Variants in IL19 observed in about 807,000 individuals in gnomAD.
The protein encoded by IL19 is interleukin-19.
Under a neutral mutation model 19.5 loss-of-function variants are expected in IL19, and 15 were observed. The ratio of observed to expected loss-of-function variants is 0.77; its 90% CI spans 0.52 to 1.19. The LOEUF (loss-of-function observed/expected upper bound fraction) is 1.19. IL19 is among the 50% of genes most tolerant of loss of function. The pLI is 0.00. For missense variants in IL19, 199 were observed against 213.1 expected, an observed-to-expected ratio of 0.93 and a Z score of 0.41; for synonymous variants, 78 against 78.3, an observed-to-expected ratio of 1.00 and a Z score of 0.02.
intron 1 of IL19, among the ~76,000 whole-genome samples, chr1:206,780,666 C>A (rs1259187478): frequency 6.6e-6 from 1 of 152,148 alleles, no homozygotes; most frequent in Non-Finnish European, 1.5e-5. Flanking sequence ...TATAAATGGG[C>A]AAACAGAGGC....
rs375040615 is a variant in IL19, at chr1:206,799,441, C to T, written c.-3+435C>T. Among the ~76,000 whole-genome samples, 9 of 152,248 alleles carry T rather than the reference C, an allele frequency of 5.9e-5. No individual in the cohort carries two copies. The South Asian group carries it at 8.3e-4, about 14-fold the overall frequency. On this transcript the variant is annotated intron_variant, in intron 2 of 6. Transcript: ENST00000659997. ...TATCCATGGGATGGAAGCTGCTGCA[C>T]GACACAGAGGGACTGGAACCAGGAG...
intron 1 of IL19, among the ~76,000 whole-genome samples, chr1:206,795,925 A>G (rs569285834): frequency 5.4e-4 from 71 of 132,342 alleles, no homozygotes; most frequent in East Asian, 2.8e-3. Flanking sequence ...ATAAATATAT[A>G]TATGTGTGTG....
chr1:206,784,023 G>A (rs4639762), intron 1 of IL19, among the ~76,000 whole-genome samples: 6 of 152,288 alleles, frequency 3.9e-5, no homozygotes, highest in African/African-American at 1.4e-4. Flanking sequence ...ATGTCTCTTC[G>A]TGGATCTGAA....
intron 1 of IL19, chr1:206,772,302 C>G: frequency 1.2e-6 from 2 of 1,614,156 alleles, no homozygotes; most frequent in South Asian, 1.1e-5. Flanking sequence ...GAAGGCATCT[C>G]GGAGATCTCG....
At chr1:206,771,855 T>C (rs1674854751) in intron 1 of IL19, among the ~76,000 whole-genome samples, 1 of 152,250 alleles carries the variant, frequency 6.6e-6, no homozygotes, top group Non-Finnish European at 1.5e-5. Flanking sequence ...TTCCCTCATG[T>C]AGAGTGCTTC....
chr1:206,808,112 C>T (rs1675897926), intron 2 of IL19, among the ~76,000 whole-genome samples: 1 of 152,210 alleles, frequency 6.6e-6, no homozygotes, highest in African/African-American at 2.4e-5. Context: ...AGGCAGATCA[C>T]TTGAGGCCAG....
At chr1:206,814,258 C>A (rs1166460381) in intron 2 of IL19, among the ~76,000 whole-genome samples, 1 of 151,826 alleles carries the variant, frequency 6.6e-6, no homozygotes, top group Non-Finnish European at 1.5e-5. Context: ...GCACAGATTG[C>A]AGCCAGTAAA....
rs148880200 is a variant in IL19, at chr1:206,799,276, C to T, written c.-3+270C>T. Among the ~76,000 whole-genome samples the T allele has an allele frequency of 6.3e-3, 959 of 152,180 alleles. 7 individuals carry two copies. The highest frequency in any genetic ancestry group is 0.01 in the Non-Finnish European group (682 of 68,012). On this transcript the variant is annotated intron_variant, in intron 2 of 6. Transcript: ENST00000659997. ...TAAACCATATCTGCATACCCCTTCC[C>T]CATCAGCTCCCATACTGGTCATGGC...
intron 2 of IL19, among the ~76,000 whole-genome samples, chr1:206,802,739 T>G (rs1675744738): frequency 6.6e-6 from 1 of 152,120 alleles, no homozygotes; most frequent in Non-Finnish European, 1.5e-5. Context: ...GTCCCTCCCT[T>G]CCCTGTATAG....
chr1:206,839,550 A>G (rs1465219555), intron 4 of IL19, among the ~76,000 whole-genome samples: 1 of 152,150 alleles, frequency 6.6e-6, no homozygotes, highest in East Asian at 1.9e-4. Context: ...GAAGTTAGTG[A>G]TGACACGCTA....
chr1:206,791,685 C>T (rs1299722748), intron 1 of IL19, among the ~76,000 whole-genome samples: 3 of 152,222 alleles, frequency 2.0e-5, no homozygotes, highest in South Asian at 2.1e-4. Context: ...AGTGGCCTCT[C>T]ACTAGCGTTT....
At chr1:206,790,837 A>C (rs1169792918) in intron 1 of IL19, among the ~76,000 whole-genome samples, 1 of 152,210 alleles carries the variant, frequency 6.6e-6, no homozygotes, top group Non-Finnish European at 1.5e-5. Flanking sequence ...TGCTTAGCAC[A>C]TGCCTCAACC....
At chr1:206,783,094 G>T (rs887879351) in intron 1 of IL19, among the ~76,000 whole-genome samples, 1 of 152,172 alleles carries the variant, frequency 6.6e-6, no homozygotes, top group South Asian at 2.1e-4. Context: ...GGTGAACTTA[G>T]AAATCATTTT....
chr1:206,837,334 C>T lies in IL19; in HGVS notation c.210+311C>T, dbSNP rs74148869. ...CCATGGAGGTAGCTAAGAAAACAAACGGTGACTTAACCCGAGGAGGTTGTA... is the reference window on the plus strand; with the variant it reads ...CCATGGAGGTAGCTAAGAAAACAAATGGTGACTTAACCCGAGGAGGTTGTA... On this transcript the variant is annotated intron_variant, in intron 4 of 6. Coordinates refer to ENST00000659997, the MANE Select transcript of IL19 (RefSeq NM_153758.5). Among the ~76,000 whole-genome samples, 421 of 152,014 alleles carry T rather than the reference C, an allele frequency of 2.8e-3. 1 individual carries two copies. Among genetic ancestry groups the T allele is most frequent in the African/African-American group, 9.7e-3 (400 of 41,438 alleles).
At chr1:206,799,751 G>C (rs1188925626) in intron 2 of IL19, among the ~76,000 whole-genome samples, 1 of 152,198 alleles carries the variant, frequency 6.6e-6, no homozygotes, top group Non-Finnish European at 1.5e-5. Context: ...GGGTCACATG[G>C]CTGCCTGTGG....
chr1:206,821,663 A>T (rs750456340), intron 2 of IL19, among the ~76,000 whole-genome samples: 16 of 152,210 alleles, frequency 1.1e-4, no homozygotes, highest in Non-Finnish European at 2.2e-4. Context: ...ATTGTCTTCC[A>T]CTGCAGCAGG....
chr1:206,811,675 A>G (rs1314453766), intron 2 of IL19, among the ~76,000 whole-genome samples: 1 of 152,178 alleles, frequency 6.6e-6, no homozygotes, highest in African/African-American at 2.4e-5. Context: ...GGATTTAACA[A>G]CATGGACTTA....
At chr1:206,809,283 C>T in intron 2 of IL19, among the ~76,000 whole-genome samples, 1 of 150,280 alleles carries the variant, frequency 6.7e-6, no homozygotes, top group East Asian at 2.0e-4. Context: ...GATAATAATG[C>T]ATGATTTCCA....
chr1:206,823,650 T>A (rs1181536218), intron 2 of IL19, among the ~76,000 whole-genome samples: 1 of 152,208 alleles, frequency 6.6e-6, no homozygotes, highest in Non-Finnish European at 1.5e-5. Flanking sequence ...CCATTATCTA[T>A]TTTATTTTTG....
Sources: gnomAD v4.1 joint callset for allele counts (sites outside exome capture counted in the v4.1 genomes callset) on GRCh38, gnomAD v4.1.1 for gene constraint, MANE v1.5 for transcripts, NCBI Gene and HGNC (gene_info 2026-07-23, HGNC 2026-07-21) for gene names.